The following GK5 variants were observed in gnomAD, a reference collection of about 807,000 sequenced individuals.
GK5 encodes glycerol kinase 5.
In GK5, 39 loss-of-function variants were observed where a neutral mutation model predicts 77.3. That is an observed-to-expected ratio of 0.50 (90% CI 0.39 to 0.66). The LOEUF (loss-of-function observed/expected upper bound fraction) is 0.66. Ranked by LOEUF, GK5 falls within the 30% of genes least tolerant of loss-of-function variation. GK5 has a pLI of 0.00. For missense variants in GK5, 487 were observed against 633.8 expected (o/e 0.77, Z 2.49); for synonymous variants, 211 against 208.0 (o/e 1.01, Z -0.13).
At chr3:142,221,924 T>C (rs2107801518) in intron 1 of GK5, among the ~76,000 whole-genome samples, 1 of 152,346 alleles carries the variant, frequency 6.6e-6, no homozygotes, top group East Asian at 1.9e-4. Context: ...TATTTTGTTC[T>C]TGTCTACAAA....
intron 1 of GK5, among the ~76,000 whole-genome samples, chr3:142,222,102 T>C (rs1018593268): frequency 1.3e-5 from 2 of 152,214 alleles, no homozygotes; most frequent in African/African-American, 2.4e-5. Context: ...GTCTAAGTCA[T>C]AGAGCCCCAT....
In GK5 at chr3:142,157,963, T is replaced by C. The variant is rs1032782325; in HGVS notation, c.*7659A>G. ...TGTTGTTGTTGTTGTTTTTGTTTTT[T>C]TTTTTTGAGATGGAGTCTCACTCTG... On this transcript the variant is annotated 3_prime_UTR_variant, in exon 16 of 16. Coordinates refer to ENST00000392993, the MANE Select transcript of GK5 (RefSeq NM_001039547.3). The C allele has an allele frequency of 6.6e-6, 1 of 151,726 alleles. No homozygotes were observed. Among genetic ancestry groups the C allele is most frequent in the African/African-American group, 2.4e-5 (1 of 41,228 alleles). The allele number at this position is 151,726 out of a possible 1,614,324, so 9.4% of individuals were successfully genotyped here. A position where few individuals can be genotyped will look rare whatever the true frequency, so the allele number is the denominator to read the frequency against.
chr3:142,208,116 T>A (rs1443312519), intron 3 of GK5, among the ~76,000 whole-genome samples: 2 of 152,198 alleles, frequency 1.3e-5, no homozygotes, highest in Admixed American at 1.3e-4. Flanking sequence ...TGACTAAATT[T>A]TTTCAGACAT....
Position 142,181,526 on chromosome 3 carries a change from A to G in GK5, c.983T>C (p.Val328Ala). Reference protein sequence around the residue: ...PLIGWKIGQEVVCLAESNAGD... With the variant: ...PLIGWKIGQEAVCLAESNAGD... The stretch of plus-strand genomic sequence containing the variant: ...TGCATTGCTTTCAGCTAAGCATACG[A>G]CTTCTTGCCCAATCTTCCACCCAAT... Residue 328 changes from valine (V) to alanine (A), a missense_variant, in exon 11 of 16, where the codon GTC becomes GCC. Around this residue, in one of 4 missense-constraint regions of GK5, gnomAD observed 323 missense variants for 437.4 expected, o/e 0.74. Transcript: ENST00000392993. 6.2e-7 allele frequency: 1 copy of G among 1,613,694 alleles called. No homozygotes were observed. Among genetic ancestry groups the G allele is most frequent in the Non-Finnish European group, 8.5e-7 (1 of 1,179,836 alleles).
In GK5 at chr3:142,165,480, T is replaced by C; in HGVS notation, c.*142A>G. On this transcript the variant is annotated 3_prime_UTR_variant, in exon 16 of 16. Transcript: ENST00000392993. ...GAGTTTTTTGTTCCGTTTTGTTTTT[T>C]TAAAAGCAATGCTTCTTAAGTTATG... 1 of 593,912 alleles carries C rather than the reference T, an allele frequency of 1.7e-6. No individual in the cohort carries two copies. The highest frequency in any genetic ancestry group is 2.7e-6 in the Non-Finnish European group (1 of 368,754). 36.8% of individuals were successfully genotyped at this position (593,912 alleles called of 1,614,324 possible).
intron 11 of GK5, among the ~76,000 whole-genome samples, chr3:142,178,100 C>T (rs1439373754): frequency 2.6e-5 from 4 of 152,016 alleles, no homozygotes; most frequent in Admixed American, 6.6e-5. Flanking sequence ...TCAGGTGATT[C>T]GCCCGCCTCA....
intron 1 of GK5, among the ~76,000 whole-genome samples, chr3:142,216,003 T>A (rs545618012): frequency 3.3e-5 from 5 of 152,276 alleles, no homozygotes; most frequent in East Asian, 3.9e-4. Context: ...AAATAAATTT[T>A]AAAAAAAGTG....
At chr3:142,203,404 A>G (rs2107790622) in intron 4 of GK5, among the ~76,000 whole-genome samples, 1 of 152,332 alleles carries the variant, frequency 6.6e-6, no homozygotes, top group East Asian at 1.9e-4. Flanking sequence ...GATGCTGTAG[A>G]CAGTCCCCTG....
intron 5 of GK5, among the ~76,000 whole-genome samples, chr3:142,191,810 G>C (rs1238171552): frequency 6.6e-6 from 1 of 152,072 alleles, no homozygotes; most frequent in Admixed American, 6.6e-5. Context: ...GACAGAGTGA[G>C]ACTCTGTCTC....
intron 1 of GK5, among the ~76,000 whole-genome samples, chr3:142,223,151 T>C (rs1198758396): frequency 6.6e-6 from 1 of 152,254 alleles, no homozygotes; most frequent in Non-Finnish European, 1.5e-5. Context: ...GATCCATCTT[T>C]GAGATTCCTC....
At chr3:142,202,450 T>C (rs1431969706) in intron 4 of GK5, among the ~76,000 whole-genome samples, 1 of 152,156 alleles carries the variant, frequency 6.6e-6, no homozygotes, top group African/African-American at 2.4e-5. Context: ...ATCAAACCAT[T>C]AGCAACTGGA....
chr3:142,182,501 T>C (rs1323295127), intron 10 of GK5, among the ~76,000 whole-genome samples: 1 of 152,010 alleles, frequency 6.6e-6, no homozygotes, highest in Non-Finnish European at 1.5e-5. Flanking sequence ...CCGGACACCA[T>C]GCCCCCAGCT....
intron 3 of GK5, among the ~76,000 whole-genome samples, chr3:142,212,086 T>G (rs2064195110): frequency 6.6e-6 from 1 of 152,242 alleles, no homozygotes; most frequent in Admixed American, 6.5e-5. Flanking sequence ...GAATTCACCC[T>G]AATTATATTT....
intron 2 of GK5, 53 bp downstream of exon 2, chr3:142,215,545 CT>C: frequency 1.1e-6 from 1 of 922,580 alleles, no homozygotes; most frequent in East Asian, 2.7e-5. Flanking sequence ...CTGAGGAAAA[CT>C]ATTACAAAAA....
chr3:142,186,538 AT>A, intron 6 of GK5, 25 bp from the exon 7 acceptor site: 1 of 1,116,728 alleles, frequency 9.0e-7, no homozygotes, highest in South Asian at 1.5e-5. Context: ...GAAATAATAC[AT>A]TTATTATCAG....
chr3:142,210,311 C>T (rs763236866), intron 3 of GK5, among the ~76,000 whole-genome samples: 8 of 152,074 alleles, frequency 5.3e-5, no homozygotes, highest in Non-Finnish European at 8.8e-5. Flanking sequence ...AGGACTGGAA[C>T]GAACAATAGG....
At chr3:142,172,794 A>C (rs2063556260) in intron 12 of GK5, among the ~76,000 whole-genome samples, 1 of 152,252 alleles carries the variant, frequency 6.6e-6, no homozygotes, top group African/African-American at 2.4e-5. Flanking sequence ...AAGTTTTTAC[A>C]CTAAAATTGT....
At chr3:142,184,053 T>C (rs1198915304) in intron 9 of GK5, among the ~76,000 whole-genome samples, 1 of 151,302 alleles carries the variant, frequency 6.6e-6, no homozygotes, top group Non-Finnish European at 1.5e-5. Flanking sequence ...GGTCAGGAGA[T>C]CAAGACCATC....
chr3:142,200,255 G>C (rs538801032), intron 4 of GK5, among the ~76,000 whole-genome samples: 1 of 152,156 alleles, frequency 6.6e-6, no homozygotes, highest in Admixed American at 6.5e-5. Context: ...TGCAACCTCT[G>C]CCTCCCAGGT....
Sources: allele counts gnomAD v4.1 joint callset (sites outside exome capture counted in the v4.1 genomes callset), GRCh38; gene constraint gnomAD v4.1.1; regional missense constraint gnomAD v4.1.1; transcripts MANE v1.5; gene names NCBI Gene and HGNC (gene_info 2026-07-23, HGNC 2026-07-21).